CDH8: variants seen among roughly 807,000 people sequenced by gnomAD.
The protein encoded by CDH8 is cadherin-8.
In CDH8, 17 loss-of-function variants were observed where a neutral mutation model predicts 68.1. The ratio of observed to expected loss-of-function variants is 0.25; its 90% CI spans 0.17 to 0.37. The LOEUF (loss-of-function observed/expected upper bound fraction) is 0.37, where lower values mean the gene tolerates loss of function less well. Ranked by LOEUF, CDH8 falls within the 10% of genes least tolerant of loss-of-function variation. The pLI is 1.00. For synonymous variants in CDH8, 372 were observed against 365.1 expected, an observed-to-expected ratio of 1.02 and a Z score of -0.21; for missense variants, 763 against 999.3, an observed-to-expected ratio of 0.76 and a Z score of 3.19.
chr16:61,725,097 G>C (rs1423666022), intron 9 of CDH8: 5 of 150,890 alleles, frequency 3.3e-5, no homozygotes, highest in African/African-American at 9.7e-5. Context: ...TGTCTAAACA[G>C]ATCATTAGAG....
chr16:61,818,858 A>G (rs1439432490), intron 6 of CDH8, among the ~76,000 whole-genome samples: 2 of 151,986 alleles, frequency 1.3e-5, no homozygotes, highest in African/African-American at 4.8e-5. Flanking sequence ...TTCCAGTACA[A>G]GCTTAATTAT....
At chr16:61,657,395 T>A (rs1963468637) in intron 10 of CDH8, among the ~76,000 whole-genome samples, 1 of 152,128 alleles carries the variant, frequency 6.6e-6, no homozygotes, top group African/African-American at 2.4e-5. Flanking sequence ...AAAAGCACTC[T>A]GATTTAACAA....
At chr16:61,948,583 CA>C (rs1312217171) in intron 2 of CDH8, among the ~76,000 whole-genome samples, 1 of 152,104 alleles carries the variant, frequency 6.6e-6, no homozygotes, top group Non-Finnish European at 1.5e-5. Context: ...CAAGGAAAAA[CA>C]GAGAAGAGCA....
chr16:61,840,366 T>C (rs1962658025), intron 4 of CDH8, among the ~76,000 whole-genome samples: 1 of 152,190 alleles, frequency 6.6e-6, no homozygotes, highest in South Asian at 2.1e-4. Flanking sequence ...CTGTTGGCAC[T>C]CCTACTCTTT....
At chr16:61,845,229 T>C (rs1397522477) in intron 4 of CDH8, among the ~76,000 whole-genome samples, 1 of 152,152 alleles carries the variant, frequency 6.6e-6, no homozygotes. Context: ...AATCTGCTAT[T>C]TGTTTCACTT....
intron 7 of CDH8, among the ~76,000 whole-genome samples, chr16:61,802,144 G>A (rs1248065492): frequency 7.8e-6 from 1 of 128,978 alleles, no homozygotes; most frequent in African/African-American, 3.2e-5. Context: ...GCCTCCTCAA[G>A]TGGGTCCCTG....
chr16:61,827,670 T>C (rs1331719694), intron 4 of CDH8, among the ~76,000 whole-genome samples: 1 of 151,766 alleles, frequency 6.6e-6, no homozygotes. Flanking sequence ...GTTTAGCAAA[T>C]AGGACAAGAA....
At chr16:61,828,535 A>AT (rs963630727) in intron 4 of CDH8, among the ~76,000 whole-genome samples, 13 of 151,674 alleles carry the variant, frequency 8.6e-5, no homozygotes, top group African/African-American at 3.1e-4. Flanking sequence ...ATTTTTCTTA[A>AT]TTTTTTTAAC....
At chr16:61,723,678 G>A (rs774812767) in intron 9 of CDH8, among the ~76,000 whole-genome samples, 5 of 150,720 alleles carry the variant, frequency 3.3e-5, no homozygotes, top group Non-Finnish European at 6.0e-5. Flanking sequence ...CTGGAACATA[G>A]TTGGTGCTCA....
At chr16:61,832,405 T>C (rs1962480837) in intron 4 of CDH8, among the ~76,000 whole-genome samples, 1 of 151,296 alleles carries the variant, frequency 6.6e-6, no homozygotes, top group Non-Finnish European at 1.5e-5. Context: ...GAGAGGGAAA[T>C]AGAGAGACAG....
Position 62,021,465 on chromosome 16 carries a change from T to G in CDH8, c.-62A>C, listed in dbSNP as rs1902074341. 8.4e-6 allele frequency: 13 copies of G among 1,550,066 alleles called. 1 individual carries two copies. The South Asian group carries it at 1.6e-4, about 20-fold the overall frequency. Reference sequence around the variant, plus strand: ...ACAATTATTTTTTTTGTCTCCGGTCTGCAGCCATCCAATTCATCATGCAGT... The same window carrying G: ...ACAATTATTTTTTTTGTCTCCGGTCGGCAGCCATCCAATTCATCATGCAGT... On this transcript the variant is annotated 5_prime_UTR_variant, in exon 2 of 12. Coordinates refer to ENST00000577390, the MANE Select transcript of CDH8 (RefSeq NM_001796.5).
At chr16:61,927,235 T>C (rs1428588684) in intron 2 of CDH8, among the ~76,000 whole-genome samples, 1 of 152,184 alleles carries the variant, frequency 6.6e-6, no homozygotes, top group African/African-American at 2.4e-5. Flanking sequence ...ATAATACTAT[T>C]TTATGGAGTC....
At chr16:61,728,521 A>G (rs1959441361) in intron 8 of CDH8, among the ~76,000 whole-genome samples, 1 of 151,054 alleles carries the variant, frequency 6.6e-6, no homozygotes, top group East Asian at 1.9e-4. Flanking sequence ...TTTTAAATAT[A>G]TATCTAATGA....
At chr16:61,677,296 T>C (rs1024706490) in intron 10 of CDH8, among the ~76,000 whole-genome samples, 6 of 151,088 alleles carry the variant, frequency 4.0e-5, no homozygotes, top group Non-Finnish European at 7.4e-5. Flanking sequence ...TGAAGGCCTA[T>C]GTGAGGAAGA....
intron 10 of CDH8, among the ~76,000 whole-genome samples, chr16:61,678,398 A>C (rs891052731): frequency 6.6e-6 from 1 of 152,034 alleles, no homozygotes; most frequent in Admixed American, 6.6e-5. Context: ...TGAAACTGCA[A>C]CTTCCTCTCA....
At chr16:61,654,201 G>A (rs1271975732) in intron 11 of CDH8, 100 bp from the exon 12 acceptor site, 36 of 961,936 alleles carry the variant, frequency 3.7e-5, no homozygotes, top group Non-Finnish European at 5.2e-5. Context: ...TTACAAAATT[G>A]TATGAGCATA....
intron 7 of CDH8, among the ~76,000 whole-genome samples, chr16:61,804,005 C>G (rs1376132882): frequency 1.5e-5 from 2 of 131,282 alleles, no homozygotes; most frequent in South Asian, 2.6e-4. Context: ...CCCAAATCAA[C>G]AGAATATACA....
chr16:61,941,586 A>AT (rs1434987165), intron 2 of CDH8, among the ~76,000 whole-genome samples: 3 of 152,128 alleles, frequency 2.0e-5, no homozygotes, highest in Non-Finnish European at 4.4e-5. Flanking sequence ...AGTGGCTGGG[A>AT]TTATGGGCAT....
chr16:61,960,087 A>G lies in CDH8; in HGVS notation c.253-58614T>C, dbSNP rs867172561. ...TGTATACACATACATATATACATAT[A>G]TGTGTGTGTGTATACACATACATAT... On this transcript the variant is annotated intron_variant, in intron 2 of 11. Transcript: ENST00000577390. Among the ~76,000 whole-genome samples, 66 of 55,366 alleles carry G rather than the reference A, an allele frequency of 1.2e-3. 10 individuals carry two copies. The East Asian group carries it at 0.015, about 13-fold the overall frequency. The allele number at this position is 55,366 out of a possible 152,430, so 36.3% of individuals were successfully genotyped here. A position where few individuals can be genotyped will look rare whatever the true frequency, so the allele number is the denominator to read the frequency against.
Sources: allele counts gnomAD v4.1 joint callset (sites outside exome capture counted in the v4.1 genomes callset), GRCh38; gene constraint gnomAD v4.1.1; transcripts MANE v1.5; gene names NCBI Gene and HGNC (gene_info 2026-07-23, HGNC 2026-07-21).